TERB1: variants seen among roughly 807,000 people sequenced by gnomAD.
TERB1 encodes the protein telomere repeats-binding bouquet formation protein 1.
A neutral mutation model predicts 92.3 loss-of-function variants in TERB1; 63 were observed. That is an observed-to-expected ratio of 0.68 (90% confidence interval 0.56 to 0.84). TERB1 has a LOEUF of 0.84. TERB1 is among the 40% of genes least tolerant of loss of function. The pLI is 0.00. For synonymous variants in TERB1, 252 were observed against 283.9 expected (o/e 0.89, Z 1.13); for missense variants, 709 against 843.7 (o/e 0.84, Z 1.98).
chr16:66,788,675 AAC>A (rs1450295821), intron 5 of TERB1, among the ~76,000 whole-genome samples: 1 of 152,124 alleles, frequency 6.6e-6, no homozygotes, highest in Non-Finnish European at 1.5e-5. Context: ...TACTTTAGAA[AAC>A]AGAGGGACAA....
chr16:66,800,749 CG>C (rs1959254884), intron 2 of TERB1, among the ~76,000 whole-genome samples: 1 of 152,066 alleles, frequency 6.6e-6, no homozygotes, highest in South Asian at 2.1e-4. Flanking sequence ...AATTTGTTTT[CG>C]ATCGTTTAAA....
chr16:66,762,429 A>G (rs987387368), intron 16 of TERB1, among the ~76,000 whole-genome samples: 8 of 152,084 alleles, frequency 5.3e-5, no homozygotes, highest in African/African-American at 1.7e-4. Flanking sequence ...TGTCACCCAG[A>G]CTGGAGTGCA....
intron 9 of TERB1, 21 bp from the exon 10 acceptor site, chr16:66,779,036 A>G: frequency 1.4e-6 from 2 of 1,447,998 alleles, no homozygotes; most frequent in Non-Finnish European, 1.8e-6. Context: ...AAAGTAGCAA[A>G]ACTATTAATA....
At chr16:66,757,871 T>C (rs1476914386) in intron 18 of TERB1, among the ~76,000 whole-genome samples, 1 of 152,236 alleles carries the variant, frequency 6.6e-6, no homozygotes, top group East Asian at 1.9e-4. Flanking sequence ...GTTAACCCTA[T>C]AGTTAAATAA....
At chr16:66,784,051 G>A (rs1274431743) in intron 9 of TERB1, among the ~76,000 whole-genome samples, 1 of 152,120 alleles carries the variant, frequency 6.6e-6, no homozygotes, top group African/African-American at 2.4e-5. Flanking sequence ...ACATAAAGCT[G>A]TTTCTACTAT....
At chr16:66,798,684 A>G (rs1418105591) in intron 2 of TERB1, among the ~76,000 whole-genome samples, 4 of 152,390 alleles carry the variant, frequency 2.6e-5, no homozygotes, top group Non-Finnish European at 4.4e-5. Flanking sequence ...TAAACATAAA[A>G]TAAGACTGGC....
intron 18 of TERB1, among the ~76,000 whole-genome samples, chr16:66,755,632 A>G (rs1479021445): frequency 6.6e-6 from 1 of 152,020 alleles, no homozygotes; most frequent in East Asian, 1.9e-4. Context: ...AAAAGTAGCC[A>G]GGCATGGTGG....
intron 13 of TERB1, among the ~76,000 whole-genome samples, chr16:66,770,824 A>G (rs1208720488): frequency 6.6e-6 from 1 of 152,146 alleles, no homozygotes; most frequent in Non-Finnish European, 1.5e-5. Flanking sequence ...ATATGTATAA[A>G]GCATATATCT....
At chr16:66,786,762 T>C (rs2018735132) in intron 6 of TERB1, among the ~76,000 whole-genome samples, 1 of 152,150 alleles carries the variant, frequency 6.6e-6, no homozygotes, top group South Asian at 2.1e-4. Context: ...GAAACAATAA[T>C]AGCAGAGGAC....
intron 6 of TERB1, among the ~76,000 whole-genome samples, chr16:66,787,512 T>C (rs1470869948): frequency 6.6e-6 from 1 of 152,136 alleles, no homozygotes; most frequent in Non-Finnish European, 1.5e-5. Context: ...GAGCAGTAAG[T>C]ATATGGGAAC....
rs1555507880 is a variant in TERB1, at chr16:66,767,400, T to TA, written c.1780+14dup. The TA allele has an allele frequency of 2.8e-6, 4 of 1,453,476 alleles. No individual in the cohort carries two copies. Among genetic ancestry groups the TA allele is most frequent in the African/African-American group, 1.5e-5 (1 of 68,964 alleles). 90.0% of individuals were successfully genotyped at this position (1,453,476 alleles called of 1,614,324 possible). On this transcript the variant is annotated intron_variant, in intron 16 of 18. Transcript: ENST00000433154. ...GCTTTGACTGTGAAACAACTGCAAT[T>TA]AAAAAAATACTTACCTGAGCACCTA...
At position 66,758,804 on chromosome 16, in the gene TERB1, G is replaced by T; in HGVS notation, c.1965C>A (p.Leu655=). 6.5e-7 allele frequency: 1 copy of T among 1,535,918 alleles called. No homozygotes were observed. Among genetic ancestry groups the T allele is most frequent in the Admixed American group, 2.1e-5 (1 of 48,186 alleles). ...CTCCAGGGGTAGTAGATTCATTACT[G>T]AGTCGTTGTCTTCTACGTGGGGTCA... The part of the protein sequence containing the change: ...ILLTPRRRQR[L]SNESTTPGGI... The change falls in exon 18 of 19, where the codon CTC becomes CTA. Residue 655 remains leucine, a synonymous_variant. Transcript: ENST00000433154.
intron 10 of TERB1, 140 bp downstream of exon 10, chr16:66,778,723 G>T: frequency 1.4e-6 from 1 of 693,630 alleles, no homozygotes; most frequent in Non-Finnish European, 2.1e-6. Flanking sequence ...CAGCCATGTT[G>T]GATACTTTCT....
At chr16:66,789,891 G>A (rs1391464816) in intron 5 of TERB1, among the ~76,000 whole-genome samples, 1 of 151,702 alleles carries the variant, frequency 6.6e-6, no homozygotes, top group African/African-American at 2.4e-5. Flanking sequence ...TTGTATTTTT[G>A]GTAGAGATGG....
intron 12 of TERB1, among the ~76,000 whole-genome samples, chr16:66,773,995 T>C (rs2018497291): frequency 6.6e-6 from 1 of 151,992 alleles, no homozygotes; most frequent in African/African-American, 2.4e-5. Flanking sequence ...TTCTTCTGCC[T>C]CAGCCTCCCG....
intron 11 of TERB1, among the ~76,000 whole-genome samples, 167 bp downstream of exon 11, chr16:66,777,036 C>T (rs1159900604): frequency 6.6e-6 from 1 of 151,552 alleles, no homozygotes; most frequent in Non-Finnish European, 1.5e-5. Context: ...TGACTTAATA[C>T]AATGAGTGAA....
intron 5 of TERB1, 39 bp downstream of exon 5, chr16:66,790,556 A>G: frequency 7.0e-7 from 1 of 1,424,060 alleles, no homozygotes; most frequent in South Asian, 1.4e-5. Flanking sequence ...AATATAACAC[A>G]ATGCTTAAAG....
chr16:66,782,755 T>G (rs2018658301), intron 9 of TERB1, among the ~76,000 whole-genome samples: 1 of 152,294 alleles, frequency 6.6e-6, no homozygotes, highest in East Asian at 1.9e-4. Flanking sequence ...TCTGCTAGGA[T>G]TTTGCTTGGG....
chr16:66,765,549 C>T (rs1211573031), intron 16 of TERB1, among the ~76,000 whole-genome samples: 1 of 151,824 alleles, frequency 6.6e-6, no homozygotes, highest in African/African-American at 2.4e-5. Context: ...CCTCTGCCTC[C>T]CAGGTTCAAG....
Sources: gnomAD v4.1 joint callset for allele counts (sites outside exome capture counted in the v4.1 genomes callset) on GRCh38, gnomAD v4.1.1 for gene constraint, MANE v1.5 for transcripts, NCBI Gene and HGNC (gene_info 2026-07-23, HGNC 2026-07-21) for gene names.